Variants in TRPM1 observed in about 807,000 individuals in gnomAD.
TRPM1 encodes the protein TRPM1-203 APA Isoform, Intron 10.
TRPM1 carries 113 observed loss-of-function variants against 149.4 expected under a neutral mutation model. The ratio of observed to expected loss-of-function variants is 0.76; its 90% CI spans 0.65 to 0.88. The LOEUF (loss-of-function observed/expected upper bound fraction) is 0.88, where lower values mean the gene tolerates loss of function less well. Ranked by LOEUF, TRPM1 falls within the 40% of genes least tolerant of loss-of-function variation. TRPM1 has a pLI of 0.00. For synonymous variants in TRPM1, 741 were observed against 759.5 expected, an observed-to-expected ratio of 0.98 and a Z score of 0.40; for missense variants, 1,976 against 2,038.7, an observed-to-expected ratio of 0.97 and a Z score of 0.59.
intron 27 of TRPM1, among the ~76,000 whole-genome samples, chr15:31,006,652 G>A (rs922957506): frequency 1.3e-5 from 2 of 152,188 alleles, no homozygotes; most frequent in Admixed American, 1.3e-4. Flanking sequence ...CGAGATTGCT[G>A]ATTCATAGGG....
At chr15:31,137,970 C>T (rs1475051553) in intron 1 of TRPM1, among the ~76,000 whole-genome samples, 1 of 152,182 alleles carries the variant, frequency 6.6e-6, no homozygotes, top group Non-Finnish European at 1.5e-5. Flanking sequence ...GTTATCTGAT[C>T]TCTACCAACT....
In TRPM1 at chr15:31,101,642, C is replaced by A; in HGVS notation, c.-84+15G>T. 1.0e-6 allele frequency: 1 copy of A among 985,762 alleles called. No homozygotes were observed. The highest frequency in any genetic ancestry group is 1.2e-6 in the Non-Finnish European group (1 of 830,160). The allele number at this position is 985,762 out of a possible 1,614,324, so 61.1% of individuals were successfully genotyped here. On this transcript the variant is annotated intron_variant, in intron 1 of 27. Coordinates refer to ENST00000256552, the MANE Select transcript of TRPM1 (RefSeq NM_001252024.2). ...TGACCTCCCTTCACCTGTGCTTACC[C>A]GCATCTGAGCTTACCTGCCACAGCA...
chr15:31,076,926 G>A lies in TRPM1; in HGVS notation c.62C>T (p.Pro21Leu), dbSNP rs1193358398. ...FCKRECIFVI[P>L]SMKDSNRCCC... ...TTACCTGTTAGAGTCTTTCATGCTA[G>A]GAATTACAAAGATACATTCCCGTTT... Residue 21 changes from proline to leucine, a missense_variant, in exon 3 of 28, where the codon CCT becomes CTT. Transcript: ENST00000256552. 6.2e-7 allele frequency: 1 copy of A among 1,611,232 alleles called. No homozygotes were observed. Among genetic ancestry groups the A allele is most frequent in the Non-Finnish European group, 8.5e-7 (1 of 1,177,438 alleles).
intron 27 of TRPM1, among the ~76,000 whole-genome samples, chr15:31,010,815 A>G (rs996840321): frequency 8.5e-5 from 13 of 152,116 alleles, no homozygotes; most frequent in African/African-American, 3.1e-4. Flanking sequence ...TAAGGCTTCT[A>G]TTTTCTTAAT....
chr15:31,113,565 C>G (rs574756191), intron 1 of TRPM1, among the ~76,000 whole-genome samples: 37 of 150,992 alleles, frequency 2.5e-4, no homozygotes, highest in Non-Finnish European at 3.5e-4. Flanking sequence ...TTTTTTTTAA[C>G]TTTAGGTTCC....
At chr15:31,088,089 TG>T (rs1167091568) in intron 1 of TRPM1, among the ~76,000 whole-genome samples, 1 of 152,090 alleles carries the variant, frequency 6.6e-6, no homozygotes, top group African/African-American at 2.4e-5. Context: ...CTGGGTCGGG[TG>T]GGGACTTGGG....
intron 1 of TRPM1, among the ~76,000 whole-genome samples, chr15:31,152,791 C>T (rs1250097479): frequency 1.3e-5 from 2 of 152,082 alleles, no homozygotes; most frequent in Non-Finnish European, 2.9e-5. Flanking sequence ...CACAGGCACA[C>T]ACCACCACAT....
chr15:31,124,097 C>T (rs1303046658), intron 1 of TRPM1, among the ~76,000 whole-genome samples: 1 of 151,980 alleles, frequency 6.6e-6, no homozygotes, highest in Non-Finnish European at 1.5e-5. Context: ...TAGCCTGGCC[C>T]ACATGGTAAA....
At chr15:31,023,398 A>G (rs1466684860) in intron 27 of TRPM1, among the ~76,000 whole-genome samples, 5 of 152,234 alleles carry the variant, frequency 3.3e-5, no homozygotes, top group Admixed American at 6.5e-5. Flanking sequence ...AGGCCTGAGG[A>G]CAGTGGGGGC....
rs748376204 is a variant in TRPM1, at chr15:31,042,021, C to T, written c.2017G>A (p.Ala673Thr). Residue 673 changes from alanine to threonine, a missense_variant, in exon 17 of 28, where the codon GCC becomes ACC. Coordinates refer to ENST00000256552, the MANE Select transcript of TRPM1 (RefSeq NM_001252024.2). ...KALVACKLYK[A>T]MAHESSESDL... Reference sequence around the variant, plus strand: ...CTCTCGGAGGACTCGTGGGCCATGGCCTTGTAGAGCTTGCAGGCCACCAGG... The same window carrying T: ...CTCTCGGAGGACTCGTGGGCCATGGTCTTGTAGAGCTTGCAGGCCACCAGG... 1.9e-6 allele frequency: 3 copies of T among 1,614,196 alleles called. No homozygotes were observed. Among genetic ancestry groups the T allele is most frequent in the South Asian group, 2.2e-5 (2 of 91,080 alleles).
intron 1 of TRPM1, among the ~76,000 whole-genome samples, chr15:31,110,020 C>G (rs191534479): frequency 1.3e-5 from 2 of 152,150 alleles, no homozygotes; most frequent in Non-Finnish European, 2.9e-5. Context: ...CCTTCCTTTT[C>G]AAAGTCTTAT....
intron 20 of TRPM1, among the ~76,000 whole-genome samples, chr15:31,036,546 G>A (rs981878259): frequency 3.3e-5 from 5 of 152,092 alleles, no homozygotes; most frequent in African/African-American, 1.2e-4. Context: ...TTAGAGCCAT[G>A]TTCTCAGACT....
chr15:31,036,430 G>GT (rs1298842946), intron 20 of TRPM1, among the ~76,000 whole-genome samples: 9 of 151,152 alleles, frequency 6.0e-5, no homozygotes, highest in South Asian at 2.1e-4. Flanking sequence ...GGGCAGTTTG[G>GT]TTTTTTTTTC....
At chr15:31,078,659 C>T (rs768873487) in intron 2 of TRPM1, among the ~76,000 whole-genome samples, 4 of 152,184 alleles carry the variant, frequency 2.6e-5, no homozygotes, top group Non-Finnish European at 4.4e-5. Context: ...TCTGAAGCCC[C>T]GCCCTGCCCT....
intron 1 of TRPM1, among the ~76,000 whole-genome samples, chr15:31,149,829 A>C (rs1055835180): frequency 6.6e-6 from 1 of 152,216 alleles, no homozygotes; most frequent in African/African-American, 2.4e-5. Flanking sequence ...GTGCATCTTT[A>C]AAATCCCTCT....
At chr15:31,076,039 G>A (rs2034678141) in intron 3 of TRPM1, among the ~76,000 whole-genome samples, 1 of 152,082 alleles carries the variant, frequency 6.6e-6, no homozygotes, top group African/African-American at 2.4e-5. Context: ...TGGCCTATGT[G>A]CCATTGAAAT....
rs866941763 is a variant in TRPM1 at position 31,047,031 on chromosome 15, C to T, written c.1764+80G>A. 6.7e-5 allele frequency: 106 copies of T among 1,589,416 alleles called. 2 individuals carry two copies. Among genetic ancestry groups the T allele is most frequent in the African/African-American group, 5.1e-4 (38 of 74,530 alleles). On this transcript the variant is annotated intron_variant, in intron 15 of 27. Transcript: ENST00000256552. ...CAGGGCGAAGGGCTTGGCTCTGAACCGGCCAAGTTGTTGAAAAGCAAGCGA... is the reference window on the plus strand; with the variant it reads ...CAGGGCGAAGGGCTTGGCTCTGAACTGGCCAAGTTGTTGAAAAGCAAGCGA...
At chr15:31,110,849 C>T (rs1172129300) in intron 1 of TRPM1, among the ~76,000 whole-genome samples, 1 of 151,852 alleles carries the variant, frequency 6.6e-6, no homozygotes, top group Non-Finnish European at 1.5e-5. Flanking sequence ...TTCTTTCTCT[C>T]TCTCTCACTT....
intron 27 of TRPM1, among the ~76,000 whole-genome samples, chr15:31,020,327 T>C (rs2032512064): frequency 6.6e-6 from 1 of 152,250 alleles, no homozygotes; most frequent in Non-Finnish European, 1.5e-5. Flanking sequence ...CAATGTCGTA[T>C]GTTTATGCTG....
Sources: gnomAD v4.1 joint callset for allele counts (sites outside exome capture counted in the v4.1 genomes callset) on GRCh38, gnomAD v4.1.1 for gene constraint, MANE v1.5 for transcripts, NCBI Gene and HGNC (gene_info 2026-07-23, HGNC 2026-07-21) for gene names.